The following FUT8 variants were observed in gnomAD, a reference collection of about 807,000 sequenced individuals.
FUT8 encodes the protein alpha-(1,6)-fucosyltransferase.
A neutral mutation model predicts 71.3 loss-of-function variants in FUT8; 29 were observed. That is an observed-to-expected ratio of 0.41 (90% confidence interval 0.30 to 0.55). The LOEUF (loss-of-function observed/expected upper bound fraction) is 0.55. Ranked by LOEUF, FUT8 falls within the 20% of genes least tolerant of loss-of-function variation. The pLI, the probability that FUT8 is intolerant of heterozygous loss-of-function variation, is 0.34. For missense variants in FUT8, 544 were observed against 702.1 expected (o/e 0.77, Z 2.55); for synonymous variants, 254 against 239.3 (o/e 1.06, Z -0.57).
At chr14:65,545,230 G>T (rs992113654) in intron 2 of FUT8, among the ~76,000 whole-genome samples, 3 of 151,844 alleles carry the variant, frequency 2.0e-5, no homozygotes, top group African/African-American at 7.3e-5. Flanking sequence ...CAATAAAAAA[G>T]ATTTTAATAA....
At chr14:65,725,014 A>G (rs921264058) in intron 9 of FUT8, among the ~76,000 whole-genome samples, 10 of 152,236 alleles carry the variant, frequency 6.6e-5, no homozygotes, top group Non-Finnish European at 5.9e-5. Context: ...CTAGCCAGCC[A>G]TACAGACTGT....
the FUT8 span, among the ~76,000 whole-genome samples, chr14:65,362,570 C>G: frequency 2.0e-5 from 3 of 152,164 alleles, no homozygotes; most frequent in African/African-American, 7.2e-5. Context: ...AAGGGTGATA[C>G]GCAATGCTAA....
intron 1 of FUT8, among the ~76,000 whole-genome samples, chr14:65,420,031 A>G (rs1374444367): frequency 2.0e-5 from 3 of 152,182 alleles, no homozygotes; most frequent in African/African-American, 7.2e-5. Flanking sequence ...CAAACACACA[A>G]TATTATGTTC....
At chr14:65,702,990 C>G (rs1297859369) in intron 7 of FUT8, among the ~76,000 whole-genome samples, 2 of 152,196 alleles carry the variant, frequency 1.3e-5, no homozygotes, top group Admixed American at 6.5e-5. Flanking sequence ...CATGATCCAT[C>G]TGCCTTGGCC....
chr14:65,626,171 T>C (rs1889885424), intron 5 of FUT8, among the ~76,000 whole-genome samples: 1 of 152,142 alleles, frequency 6.6e-6, no homozygotes, highest in Non-Finnish European at 1.5e-5. Context: ...GTAGGTACTC[T>C]TCAGACACAG....
chr14:65,704,581 G>A (rs1034089854), intron 7 of FUT8, among the ~76,000 whole-genome samples: 7 of 152,152 alleles, frequency 4.6e-5, no homozygotes, highest in East Asian at 3.9e-4. Flanking sequence ...TCCCTCAAAC[G>A]TCTAGCCATG....
At chr14:65,446,678 C>CT (rs11378151) in intron 1 of FUT8, among the ~76,000 whole-genome samples, 5,321 of 134,214 alleles carry the variant, frequency 0.04, 297 homozygotes, top group East Asian at 0.13. Flanking sequence ...TGTTTTAGGG[C>CT]TTTTTTTTTT....
intron 3 of FUT8, among the ~76,000 whole-genome samples, chr14:65,600,077 G>A (rs1046722840): frequency 6.6e-6 from 1 of 152,150 alleles, no homozygotes; most frequent in African/African-American, 2.4e-5. Flanking sequence ...AACAGGATTA[G>A]TATTGTACAC....
At chr14:65,668,533 A>AT (rs1180855422) in intron 6 of FUT8, among the ~76,000 whole-genome samples, 3 of 152,296 alleles carry the variant, frequency 2.0e-5, no homozygotes, top group East Asian at 3.9e-4. Flanking sequence ...AAGTCCAAAA[A>AT]TAACATGCTG....
rs557119921 is a variant in FUT8, at chr14:65,558,188, C to T, written c.-227-3149C>T. Among the ~76,000 whole-genome samples the T allele has an allele frequency of 1.5e-4, 22 of 151,680 alleles. No homozygotes were observed. The South Asian group carries it at 4.2e-3, about 29-fold the overall frequency. Reference sequence around the variant, plus strand: ...TCTACTAAAAATATAAAAAATGAGCCGGGCGCCACAGCAGACACCTGTAGT... The same window carrying T: ...TCTACTAAAAATATAAAAAATGAGCTGGGCGCCACAGCAGACACCTGTAGT... On this transcript the variant is annotated intron_variant, in intron 2 of 10. Coordinates refer to ENST00000673929, the MANE Select transcript of FUT8 (RefSeq NM_001371533.1).
At chr14:65,629,461 G>C in intron 5 of FUT8, 31 bp from the exon 6 acceptor site, 1 of 1,438,970 alleles carries the variant, frequency 6.9e-7, no homozygotes, top group Non-Finnish European at 9.8e-7. Flanking sequence ...GTACAGACAA[G>C]TTCGATCTCC....
chr14:65,636,069 G>A (rs1317586384), intron 6 of FUT8, among the ~76,000 whole-genome samples: 2 of 152,006 alleles, frequency 1.3e-5, no homozygotes, highest in Admixed American at 6.6e-5. Flanking sequence ...TAAGCTAGGA[G>A]GGTTGTATTT....
intron 1 of FUT8, among the ~76,000 whole-genome samples, chr14:65,447,895 T>G (rs1467101739): frequency 1.3e-5 from 2 of 152,194 alleles, no homozygotes; most frequent in Non-Finnish European, 2.9e-5. Context: ...GTTTCGGGAT[T>G]AGTTTCTCAA....
chr14:65,648,385 ATG>A (rs1393489822), intron 6 of FUT8, among the ~76,000 whole-genome samples: 3 of 152,136 alleles, frequency 2.0e-5, no homozygotes, highest in Non-Finnish European at 2.9e-5. Flanking sequence ...TTCTGAGCAT[ATG>A]CCTTTGTCTG....
chr14:65,439,991 T>TATAC lies in FUT8; in HGVS notation c.-325-15630_-325-15629insATAC, dbSNP rs1491251493. Among the ~76,000 whole-genome samples, 112 of 134,248 alleles carry TATAC rather than the reference T, an allele frequency of 8.3e-4. 3 individuals carry two copies. Among genetic ancestry groups the TATAC allele is most frequent in the Non-Finnish European group, 1.3e-3 (82 of 62,014 alleles). 88.1% of individuals were successfully genotyped at this position (134,248 alleles called of 152,430 possible). ...ATATATATATATATATATATATATA[T>TATAC]GTACACACACACAGTGGAATACTGT... On this transcript the variant is annotated intron_variant, in intron 1 of 10. Transcript: ENST00000673929.
intron 3 of FUT8, among the ~76,000 whole-genome samples, chr14:65,577,656 G>C (rs1664477547): frequency 6.6e-6 from 1 of 152,056 alleles, no homozygotes; most frequent in African/African-American, 2.4e-5. Context: ...CAATGGATGA[G>C]ATAATTTGGA....
chr14:65,686,186 A>G (rs1234496674), intron 7 of FUT8, among the ~76,000 whole-genome samples: 3 of 152,192 alleles, frequency 2.0e-5, no homozygotes, highest in Non-Finnish European at 2.9e-5. Flanking sequence ...TTTTTGTTGC[A>G]TGATGGTAAA....
At chr14:65,488,206 CAT>C (rs1381000616) in intron 2 of FUT8, 4 of 152,196 alleles carry the variant, frequency 2.6e-5, no homozygotes, top group African/African-American at 9.7e-5. Flanking sequence ...TCAAAGTAGA[CAT>C]ATGGCTGAAA....
the FUT8 span, among the ~76,000 whole-genome samples, chr14:65,377,239 A>G: frequency 1.3e-5 from 2 of 152,158 alleles, no homozygotes; most frequent in Non-Finnish European, 2.9e-5. Context: ...TCCCTAGAGT[A>G]TATTTTACAA....
Sources: gnomAD v4.1 joint callset for allele counts (sites outside exome capture counted in the v4.1 genomes callset) on GRCh38, gnomAD v4.1.1 for gene constraint, MANE v1.5 for transcripts, NCBI Gene and HGNC (gene_info 2026-07-23, HGNC 2026-07-21) for gene names.